Variants in NAB1 observed in about 807,000 individuals in gnomAD.
NAB1 encodes the protein NGFI-A binding protein 1.
Under a neutral mutation model 49.9 loss-of-function variants are expected in NAB1, and 25 were observed. The ratio of observed to expected loss-of-function variants is 0.50; its 90% CI spans 0.37 to 0.70. NAB1 has a LOEUF of 0.70. Ranked by LOEUF, NAB1 falls within the 30% of genes least tolerant of loss-of-function variation. The probability of loss-of-function intolerance (pLI) is 0.00; values close to 1 mark genes in which losing one functional copy is unlikely to be tolerated. For synonymous variants in NAB1, 198 were observed against 215.6 expected (o/e 0.92, Z 0.71); for missense variants, 489 against 575.9 (o/e 0.85, Z 1.54).
intron 4 of NAB1, among the ~76,000 whole-genome samples, chr2:190,660,762 A>G (rs1301154713): frequency 6.6e-6 from 1 of 152,130 alleles, no homozygotes; most frequent in Non-Finnish European, 1.5e-5. Context: ...TTTTGTCACA[A>G]TAACTTTAAC....
Position 190,659,097 on chromosome 2 carries a change from T to G in NAB1, c.-19-61T>G. On this transcript the variant is annotated intron_variant, in intron 3 of 9. Transcript: ENST00000337386. This position sits in a 1 kb window ranked among gnomAD's most constrained non-coding sequence, Gnocchi z 6.2. ...TCTTAAAACCTGTAGTGTAACCTAT[T>G]TGGTGTAAGGAGTTTGAAGCAAGTA... is the stretch of plus-strand genomic sequence containing the variant. 9.1e-7 allele frequency: 1 copy of G among 1,096,602 alleles called. No individual in the cohort carries two copies. The highest frequency in any genetic ancestry group is 1.3e-6 in the Non-Finnish European group (1 of 774,224). 67.9% of individuals were successfully genotyped at this position (1,096,602 alleles called of 1,614,324 possible).
chr2:190,653,350 T>G (rs1451973727), intron 2 of NAB1, among the ~76,000 whole-genome samples: 1 of 152,232 alleles, frequency 6.6e-6, no homozygotes, highest in Admixed American at 6.5e-5. Context: ...TGGAACTAAT[T>G]TACCTTTATC....
chr2:190,670,519 C>T lies in NAB1; in HGVS notation c.953+60C>T. 2.0e-6 allele frequency: 3 copies of T among 1,530,108 alleles called. No individual in the cohort carries two copies. Among genetic ancestry groups the T allele is most frequent in the South Asian group, 2.3e-5 (2 of 86,466 alleles). 94.8% of individuals were successfully genotyped at this position (1,530,108 alleles called of 1,614,324 possible). On this transcript the variant is annotated intron_variant, in intron 5 of 9. Transcript: ENST00000337386. The surrounding 1 kb of genome is among the most constrained non-coding windows in gnomAD (Gnocchi z 5.3). ...TGCTTGAGAGAAGTAGAGTTCGAAA[C>T]ATCATCTATTGATAGAATATAAGCA... is the stretch of plus-strand genomic sequence containing the variant.
At position 190,679,961 on chromosome 2, in the gene NAB1, C is replaced by T. The variant is rs1339919078; in HGVS notation, c.1006-3777C>T. On this transcript the variant is annotated intron_variant, in intron 6 of 9. Transcript: ENST00000337386. The surrounding 1 kb of genome is among the most constrained non-coding windows in gnomAD (Gnocchi z 5.3). ...CGGAGGTCTCACTAGCAAATGAGCT[C>T]AACCGAATTCATCAGTGTTCTGGCC... Among the ~76,000 whole-genome samples, 1 of 152,178 alleles carries T rather than the reference C, an allele frequency of 6.6e-6. No individual in the cohort carries two copies. The highest frequency in any genetic ancestry group is 1.5e-5 in the Non-Finnish European group (1 of 68,030).
rs17465200 is a variant in NAB1 at position 190,684,910 on chromosome 2, C to T, written c.1096-566C>T. Among the ~76,000 whole-genome samples, 34,925 of 152,090 alleles carry T rather than the reference C, an allele frequency of 0.23. 4,144 individuals are homozygous for T. The highest frequency in any genetic ancestry group is 0.3 in the East Asian group (1,543 of 5,178). On this transcript the variant is annotated intron_variant, in intron 7 of 9. Transcript: ENST00000337386. This position sits in a 1 kb window ranked among gnomAD's most constrained non-coding sequence, Gnocchi z 4.6. Reference sequence around the variant, plus strand: ...GATTGGTTGGGAAATACTGCAGTTTCATTTCATGATGAAGGTAAAGATGCT... The same window carrying T: ...GATTGGTTGGGAAATACTGCAGTTTTATTTCATGATGAAGGTAAAGATGCT...
intron 9 of NAB1, among the ~76,000 whole-genome samples, chr2:190,687,886 C>T (rs1364477749): frequency 1.3e-5 from 2 of 152,130 alleles, no homozygotes; most frequent in Non-Finnish European, 2.9e-5. Flanking sequence ...AATTGATGGA[C>T]TACATGTTTG....
Position 190,654,505 on chromosome 2 carries a change from C to T in NAB1, c.-196-1472C>T, listed in dbSNP as rs902643084. On this transcript the variant is annotated intron_variant, in intron 2 of 9. Transcript: ENST00000337386. The surrounding 1 kb of genome is among the most constrained non-coding windows in gnomAD (Gnocchi z 5.6). ...GGTTGGAGGGAGAGAGGATGCCTGG[C>T]ACAGGGGCAGGGAAGTGGAAGGCAT... Among the ~76,000 whole-genome samples, 1 of 152,064 alleles carries T rather than the reference C, an allele frequency of 6.6e-6. No individual in the cohort carries two copies. The highest frequency in any genetic ancestry group is 1.9e-4 in the East Asian group (1 of 5,188).
At chr2:190,688,779 TTTCCTTTCTTTCC>T (rs936814238) in intron 9 of NAB1, among the ~76,000 whole-genome samples, 14 of 152,136 alleles carry the variant, frequency 9.2e-5, no homozygotes, top group South Asian at 2.1e-4. Context: ...TCTTTCTTCC[TTTCCTTTCTTTCC>T]TTCCTTTCTT....
rs1234512168 is a variant in NAB1, at chr2:190,663,803, A to C, written c.819+3808A>C. ...TGTATTGATTCAGTGTTATTCCCAA[A>C]GTTTTGTTATGAGGTTATTTTATTA... On this transcript the variant is annotated intron_variant, in intron 4 of 9. Coordinates refer to ENST00000337386, the MANE Select transcript of NAB1 (RefSeq NM_005966.4). The surrounding 1 kb of genome is among the most constrained non-coding windows in gnomAD (Gnocchi z 4.2). Among the ~76,000 whole-genome samples the C allele has an allele frequency of 6.6e-6, 1 of 151,922 alleles. No homozygotes were observed. Among genetic ancestry groups the C allele is most frequent in the Admixed American group, 6.6e-5 (1 of 15,246 alleles).
rs1574435309 is a variant in NAB1, at chr2:190,663,790, G to A, written c.819+3795G>A. Among the ~76,000 whole-genome samples, 1 of 152,042 alleles carries A rather than the reference G, an allele frequency of 6.6e-6. No individual in the cohort carries two copies. Among genetic ancestry groups the A allele is most frequent in the East Asian group, 1.9e-4 (1 of 5,200 alleles). The stretch of plus-strand genomic sequence containing the variant: ...TAAATTTTCACTATGTATTGATTCA[G>A]TGTTATTCCCAAAGTTTTGTTATGA... On this transcript the variant is annotated intron_variant, in intron 4 of 9. Transcript: ENST00000337386. The surrounding 1 kb of genome is among the most constrained non-coding windows in gnomAD (Gnocchi z 4.2).
rs560750633 is a variant in NAB1 at position 190,681,189 on chromosome 2, G to A, written c.1006-2549G>A. On this transcript the variant is annotated intron_variant, in intron 6 of 9. Coordinates refer to ENST00000337386, the MANE Select transcript of NAB1 (RefSeq NM_005966.4). Reference sequence around the variant, plus strand: ...ACTGAGCATAGGCTTTGAAGCTAGCGTTGTAGCTGTAAAAAAAAGGAAACC... The same window carrying A: ...ACTGAGCATAGGCTTTGAAGCTAGCATTGTAGCTGTAAAAAAAAGGAAACC... Among the ~76,000 whole-genome samples, 23 of 152,238 alleles carry A rather than the reference G, an allele frequency of 1.5e-4. No homozygotes were observed. In the South Asian group the frequency reaches 3.1e-3, roughly 21 times the overall value.
In NAB1 at chr2:190,684,428, T is replaced by C. The variant is rs1695506245; in HGVS notation, c.1095+601T>C. 6.7e-6 allele frequency among the ~76,000 whole-genome samples: 1 copy of C among 149,544 alleles called. No homozygotes were observed. The highest frequency in any genetic ancestry group is 2.6e-5 in the African/African-American group (1 of 39,196). Reference sequence around the variant, plus strand: ...AGTTGCTTTTGATCAAATTTAGTACTGCTAAGTTTTGTTTTTTTCATGTTA... The same window carrying C: ...AGTTGCTTTTGATCAAATTTAGTACCGCTAAGTTTTGTTTTTTTCATGTTA... On this transcript the variant is annotated intron_variant, in intron 7 of 9. Coordinates refer to ENST00000337386, the MANE Select transcript of NAB1 (RefSeq NM_005966.4). This position sits in a 1 kb window ranked among gnomAD's most constrained non-coding sequence, Gnocchi z 4.6.
At chr2:190,688,830 T>C (rs1412648380) in intron 9 of NAB1, among the ~76,000 whole-genome samples, 1 of 151,980 alleles carries the variant, frequency 6.6e-6, no homozygotes, top group Non-Finnish European at 1.5e-5. Flanking sequence ...TTTCTTTCTT[T>C]TCTTTTCTTC....
At chr2:190,673,720 CAG>C (rs1694935904) in intron 6 of NAB1, among the ~76,000 whole-genome samples, 1 of 152,162 alleles carries the variant, frequency 6.6e-6, no homozygotes, top group African/African-American at 2.4e-5. Context: ...CTATAAATTA[CAG>C]AGACTTTACT....
At position 190,684,203 on chromosome 2, in the gene NAB1, A is replaced by T. The variant is rs984592090; in HGVS notation, c.1095+376A>T. 6.6e-6 allele frequency among the ~76,000 whole-genome samples: 1 copy of T among 152,222 alleles called. No individual in the cohort carries two copies. The highest frequency in any genetic ancestry group is 1.5e-5 in the Non-Finnish European group (1 of 68,044). On this transcript the variant is annotated intron_variant, in intron 7 of 9. Coordinates refer to ENST00000337386, the MANE Select transcript of NAB1 (RefSeq NM_005966.4). This position sits in a 1 kb window ranked among gnomAD's most constrained non-coding sequence, Gnocchi z 4.6. ...TCTCAATAAAATATTAATAGTCAAC[A>T]TTGTAATTATTGTTAAATCTTTTAA... is the stretch of plus-strand genomic sequence containing the variant.
At chr2:190,664,533 CCTTCCTTCCTTCCTTCCTTCCTTCCTTT>C (rs1439542083) in intron 4 of NAB1, among the ~76,000 whole-genome samples, 1 of 35,392 alleles carries the variant, frequency 2.8e-5, no homozygotes, top group Non-Finnish European at 4.7e-5. Flanking sequence ...TTTTTTCCTT[CCTTCCTTCCTTCCTTCCTTCCTTCCTTT>C]CTTCCTCTCT....
intron 9 of NAB1, among the ~76,000 whole-genome samples, chr2:190,687,894 T>C (rs2125882535): frequency 6.6e-6 from 1 of 152,348 alleles, no homozygotes; most frequent in Middle Eastern, 3.4e-3. Flanking sequence ...GACTACATGT[T>C]TGCTTTGACA....
At chr2:190,681,681 A>G (rs545846424) in intron 6 of NAB1, among the ~76,000 whole-genome samples, 9 of 152,318 alleles carry the variant, frequency 5.9e-5, no homozygotes, top group Non-Finnish European at 1.0e-4. Flanking sequence ...TTGGCTCTAT[A>G]TCATGTCTTT....
chr2:190,671,950 A>G (rs1410026423), intron 5 of NAB1, among the ~76,000 whole-genome samples: 1 of 151,342 alleles, frequency 6.6e-6, no homozygotes, highest in African/African-American at 2.4e-5. Context: ...TAATTTTTGT[A>G]TTTTTAGTAG....
Sources: gnomAD v4.1 joint callset for allele counts (sites outside exome capture counted in the v4.1 genomes callset) on GRCh38, gnomAD v4.1.1 for gene constraint, Gnocchi (gnomAD v3.1) non-coding constraint, MANE v1.5 for transcripts, NCBI Gene and HGNC (gene_info 2026-07-23, HGNC 2026-07-21) for gene names.